FLT3: variants seen among roughly 807,000 people sequenced by gnomAD.
FLT3 encodes the protein receptor-type tyrosine-protein kinase FLT3.
Under a neutral mutation model 126.6 loss-of-function variants are expected in FLT3, and 46 were observed. The observed-to-expected ratio is 0.36, with a 90% CI of 0.29 to 0.46. The LOEUF is 0.46. FLT3 is among the 20% of genes least tolerant of loss of function. The pLI is 1.00. For synonymous variants in FLT3, 404 were observed against 434.4 expected (o/e 0.93, Z 0.87); for missense variants, 1,069 against 1,190.3 (o/e 0.90, Z 1.50).
At chr13:28,070,673 ATT>A (rs1877427591) in intron 1 of FLT3, 61 bp from the exon 2 acceptor site, 1 of 1,319,630 alleles carries the variant, frequency 7.6e-7, no homozygotes, top group African/African-American at 1.5e-5. Flanking sequence ...GAAAACATGC[ATT>A]TATCTTGCAA....
At chr13:28,060,105 C>T (rs1216021103) in intron 3 of FLT3, among the ~76,000 whole-genome samples, 1 of 150,018 alleles carries the variant, frequency 6.7e-6, no homozygotes, top group African/African-American at 2.5e-5. Context: ...CTTAAAAAAT[C>T]CCAAATAGAC....
chr13:28,034,897 A>G (rs993712382), intron 12 of FLT3, among the ~76,000 whole-genome samples: 11 of 151,638 alleles, frequency 7.3e-5, no homozygotes, highest in African/African-American at 2.7e-4. Context: ...GTGAGCCAAG[A>G]TCACGCCACT....
chr13:28,072,134 T>C lies in FLT3; in HGVS notation c.44-1522A>G, dbSNP rs199753123. ...CACAGTGTACATCATGTAATTTTCA[T>C]ATATATATAAAAATATATGTGTATT... is the stretch of plus-strand genomic sequence containing the variant. On this transcript the variant is annotated intron_variant, in intron 1 of 23. Transcript: ENST00000241453. Among the ~76,000 whole-genome samples, 4 of 31,142 alleles carry C rather than the reference T, an allele frequency of 1.3e-4. No individual in the cohort carries two copies. In the Non-Finnish European group the frequency reaches 2.0e-3, roughly 15 times the overall value. 20.4% of individuals were successfully genotyped at this position (31,142 alleles called of 152,430 possible).
chr13:28,054,474 C>A (rs371960984), intron 4 of FLT3, among the ~76,000 whole-genome samples: 23 of 151,892 alleles, frequency 1.5e-4, no homozygotes, highest in East Asian at 7.7e-4. Flanking sequence ...GTAATCCCAG[C>A]ACTTAGGGAG....
chr13:28,037,892 C>T (rs759256083), intron 9 of FLT3, among the ~76,000 whole-genome samples: 18 of 152,140 alleles, frequency 1.2e-4, no homozygotes, highest in African/African-American at 3.6e-4. Flanking sequence ...CTAGGTTGTG[C>T]GTTCCTTAAG....
Position 28,084,036 on chromosome 13 carries a change from T to A in FLT3, c.44-13424A>T, listed in dbSNP as rs147944821. Reference sequence around the variant, plus strand: ...TTTTGCTTACTTTTTTTCTTTTTTTTAAAAGAAATGGTGTTTTGCTGTGTT... The same window carrying A: ...TTTTGCTTACTTTTTTTCTTTTTTTAAAAAGAAATGGTGTTTTGCTGTGTT... On this transcript the variant is annotated intron_variant, in intron 1 of 23. Coordinates refer to ENST00000241453, the MANE Select transcript of FLT3 (RefSeq NM_004119.3). 9.3e-3 allele frequency among the ~76,000 whole-genome samples: 1,409 copies of A among 152,218 alleles called. 16 individuals carry two copies. The highest frequency in any genetic ancestry group is 0.032 in the African/African-American group (1,313 of 41,566).
In FLT3 at chr13:28,049,472, A is replaced by G. The variant is rs1593260691; in HGVS notation, c.948T>C (p.Phe316=). The G allele has an allele frequency of 6.2e-7, 1 of 1,613,984 alleles. No homozygotes were observed. Among genetic ancestry groups the G allele is most frequent in the Non-Finnish European group, 8.5e-7 (1 of 1,179,812 alleles). Residue 316 remains phenylalanine (F), a synonymous_variant, in exon 8 of 24, where the codon TTT becomes TTC. Transcript: ENST00000241453. ...TGTCGTTTCTTGCCACTGATGATAC[A>G]AAAGCAAACAGAATCCGTATCATAG... The part of the protein sequence containing the change: ...NRTMIRILFA[F]VSSVARNDTG...
chr13:28,015,963 T>A (rs569486627), intron 20 of FLT3, among the ~76,000 whole-genome samples: 1 of 152,318 alleles, frequency 6.6e-6, no homozygotes, highest in Non-Finnish European at 1.5e-5. Flanking sequence ...ACTTGCCATC[T>A]TTCCACTGGA....
chr13:28,048,530 A>G, intron 8 of FLT3, 87 bp from the exon 9 acceptor site: 1 of 926,866 alleles, frequency 1.1e-6, no homozygotes, highest in African/African-American at 1.7e-5. Context: ...TGTATTCATC[A>G]GTTTAACACA....
At chr13:28,043,984 C>A (rs1363504989) in intron 9 of FLT3, among the ~76,000 whole-genome samples, 3 of 150,138 alleles carry the variant, frequency 2.0e-5, no homozygotes, top group Admixed American at 6.6e-5. Flanking sequence ...GTGGTGCATG[C>A]CTGTAATCCC....
At chr13:28,028,591 G>C (rs942059856) in intron 15 of FLT3, among the ~76,000 whole-genome samples, 1 of 152,048 alleles carries the variant, frequency 6.6e-6, no homozygotes, top group African/African-American at 2.4e-5. Context: ...CAGCTACTTG[G>C]GAGGATGAGG....
At chr13:28,054,346 G>A (rs368543764) in intron 4 of FLT3, among the ~76,000 whole-genome samples, 5 of 151,980 alleles carry the variant, frequency 3.3e-5, no homozygotes, top group African/African-American at 1.2e-4. Flanking sequence ...ATAATTAATT[G>A]GGAGTCCATT....
At chr13:28,083,600 G>T (rs1339685260) in intron 1 of FLT3, among the ~76,000 whole-genome samples, 3 of 152,202 alleles carry the variant, frequency 2.0e-5, no homozygotes, top group Non-Finnish European at 2.9e-5. Context: ...GGATTTCCCA[G>T]TGAGAGCCAT....
At chr13:28,098,266 G>A (rs997563945) in intron 1 of FLT3, among the ~76,000 whole-genome samples, 15 of 142,362 alleles carry the variant, frequency 1.1e-4, no homozygotes, top group African/African-American at 1.9e-4. Flanking sequence ...AGTGAGCTGA[G>A]ATCGCGCCAC....
At chr13:28,082,224 C>G (rs1878372769) in intron 1 of FLT3, among the ~76,000 whole-genome samples, 1 of 152,054 alleles carries the variant, frequency 6.6e-6, no homozygotes, top group African/African-American at 2.4e-5. Flanking sequence ...TATCATAGCT[C>G]ACTCCAACAC....
chr13:28,058,034 C>T (rs376205787), intron 3 of FLT3, among the ~76,000 whole-genome samples: 10 of 150,418 alleles, frequency 6.6e-5, no homozygotes, highest in East Asian at 2.0e-4. Flanking sequence ...AGTGAAACTC[C>T]GTCTCAAAAA....
intron 1 of FLT3, among the ~76,000 whole-genome samples, chr13:28,084,929 C>A (rs1878558360): frequency 6.9e-6 from 1 of 145,498 alleles, no homozygotes. Context: ...GAGCCGAGAT[C>A]GCACCACTGC....
chr13:28,037,774 G>A (rs1002426933), intron 9 of FLT3, among the ~76,000 whole-genome samples: 4 of 152,152 alleles, frequency 2.6e-5, no homozygotes, highest in Non-Finnish European at 4.4e-5. Context: ...CCACACAGCA[G>A]GAAGTGAGCA....
At position 28,061,946 on chromosome 13, in the gene FLT3, C is replaced by T. The variant is rs55975001; in HGVS notation, c.289G>A (p.Ala97Thr). The T allele has an allele frequency of 1.5e-5, 25 of 1,613,936 alleles. No individual in the cohort carries two copies. Among genetic ancestry groups the T allele is most frequent in the Non-Finnish European group, 2.1e-5 (25 of 1,179,900 alleles). Reference protein sequence around the residue: ...ASITLQVLVDAPGNISCLWVF... With the variant: ...ASITLQVLVDTPGNISCLWVF... ...CAGAGACAGGAAATGTTCCCTGGGGCGTCGACCAGCACTTGCAGTGTGATG... is the reference window on the plus strand; with the variant it reads ...CAGAGACAGGAAATGTTCCCTGGGGTGTCGACCAGCACTTGCAGTGTGATG... Residue 97 changes from alanine (A) to threonine (T), a missense_variant, in exon 3 of 24, where the codon GCC (alanine) becomes ACC (threonine). By Grantham distance (58) the Ala-to-Thr change is moderately conservative. Transcript: ENST00000241453.
Sources: gnomAD v4.1 joint callset for allele counts (sites outside exome capture counted in the v4.1 genomes callset) on GRCh38, gnomAD v4.1.1 for gene constraint, MANE v1.5 for transcripts, NCBI Gene and HGNC (gene_info 2026-07-23, HGNC 2026-07-21) for gene names.